The following PPP2CA variants were observed in gnomAD, a reference collection of about 807,000 sequenced individuals.
PPP2CA encodes the protein protein phosphatase 2 catalytic subunit alpha.
Under a neutral mutation model 38.8 loss-of-function variants are expected in PPP2CA, and 5 were observed. That is an observed-to-expected ratio of 0.13 (90% confidence interval 0.07 to 0.27). The LOEUF (loss-of-function observed/expected upper bound fraction) is 0.27. PPP2CA is among the 10% of genes least tolerant of loss of function. The pLI is 1.00. For synonymous variants in PPP2CA, 152 were observed against 134.0 expected, an observed-to-expected ratio of 1.13 and a Z score of -0.93; for missense variants, 88 against 389.7, an observed-to-expected ratio of 0.23 and a Z score of 6.52.
At chr5:134,202,166 A>G in intron 2 of PPP2CA, 145 bp from the exon 3 acceptor site, 1 of 751,056 alleles carries the variant, frequency 1.3e-6, no homozygotes, top group East Asian at 3.0e-5. Context: ...CCAAAACCAC[A>G]GCTCTACAGA....
At chr5:134,211,796 C>A (rs1323800243) in intron 1 of PPP2CA, among the ~76,000 whole-genome samples, 1 of 151,802 alleles carries the variant, frequency 6.6e-6, no homozygotes, top group Non-Finnish European at 1.5e-5. Context: ...TTTAAAAGTA[C>A]ATGAACCAAC....
At position 134,194,404 on chromosome 5, in the gene PPP2CA, C is replaced by G. The variant is rs1156334674; in HGVS notation, c.*3368G>C. On this transcript the variant is annotated 3_prime_UTR_variant, in exon 7 of 7. Transcript: ENST00000481195. ...AAAATCCATCTGAAAACAAACAAGC[C>G]TATTACCAAACTATAGGTTACTAAA... The G allele has an allele frequency of 6.6e-6, 1 of 152,174 alleles. No homozygotes were observed. The highest frequency in any genetic ancestry group is 1.5e-5 in the Non-Finnish European group (1 of 68,028). 9.4% of individuals were successfully genotyped at this position (152,174 alleles called of 1,614,324 possible). A position where few individuals can be genotyped will look rare whatever the true frequency, so the allele number is the denominator to read the frequency against.
At chr5:134,209,550 C>A (rs1270377549) in intron 1 of PPP2CA, among the ~76,000 whole-genome samples, 1 of 152,048 alleles carries the variant, frequency 6.6e-6, no homozygotes, top group Non-Finnish European at 1.5e-5. Context: ...GAGGCTGAGG[C>A]GAGTGGATCA....
rs1459114047 is a variant in PPP2CA, at chr5:134,196,177, A to C, written c.*1595T>G. ...AAAAATACTATCAATTAGATCAGAA[A>C]AGACATTCGGTATGTATGTGTTCCT... On this transcript the variant is annotated 3_prime_UTR_variant, in exon 7 of 7. Transcript: ENST00000481195. The C allele has an allele frequency of 4.6e-5, 7 of 152,252 alleles. No homozygotes were observed. Among genetic ancestry groups the C allele is most frequent in the Admixed American group, 4.6e-4 (7 of 15,290 alleles). The allele number at this position is 152,252 out of a possible 1,614,324, so 9.4% of individuals were successfully genotyped here. A position where few individuals can be genotyped will look rare whatever the true frequency, so the allele number is the denominator to read the frequency against.
At chr5:134,223,502 C>T (rs1762492192) in intron 1 of PPP2CA, among the ~76,000 whole-genome samples, 1 of 152,212 alleles carries the variant, frequency 6.6e-6, no homozygotes, top group Admixed American at 6.5e-5. Context: ...CAAAACGGAT[C>T]CATTCCACAG....
At chr5:134,205,743 C>T (rs1312922962) in intron 2 of PPP2CA, 179 bp downstream of exon 2, 2 of 568,032 alleles carry the variant, frequency 3.5e-6, no homozygotes, top group Non-Finnish European at 6.2e-6. Flanking sequence ...GATTCTGTAC[C>T]ATCCCCTTAC....
intron 2 of PPP2CA, among the ~76,000 whole-genome samples, chr5:134,203,739 CCA>C (rs1271947662): frequency 2.0e-5 from 3 of 152,106 alleles, no homozygotes. Flanking sequence ...TTTTTTCCCC[CCA>C]GATAGGATCT....
chr5:134,215,399 A>G (rs1374645987), intron 1 of PPP2CA, among the ~76,000 whole-genome samples: 4 of 151,974 alleles, frequency 2.6e-5, no homozygotes, highest in Admixed American at 6.6e-5. Flanking sequence ...GTGAAACCCC[A>G]TCTCTACCAA....
intron 1 of PPP2CA, 42 bp downstream of exon 1, chr5:134,225,718 C>A (rs1418383711): frequency 6.4e-7 from 1 of 1,569,394 alleles, no homozygotes; most frequent in Non-Finnish European, 8.6e-7. Context: ...CCTCGGCGGG[C>A]TCGGCCCCGC....
At chr5:134,213,108 A>G (rs1762240719) in intron 1 of PPP2CA, among the ~76,000 whole-genome samples, 1 of 152,204 alleles carries the variant, frequency 6.6e-6, no homozygotes, top group Non-Finnish European at 1.5e-5. Flanking sequence ...ATGTAGACGA[A>G]ATAGCCTTCT....
In PPP2CA at chr5:134,211,759, A is replaced by T. The variant is rs569850843; in HGVS notation, c.103-5628T>A. On this transcript the variant is annotated intron_variant, in intron 1 of 6. Transcript: ENST00000481195. ...CCCAAAGGCTGGGATTACAGGCATA[A>T]GCCACTGCGCCCAGTGGAAGACAAT... is the stretch of plus-strand genomic sequence containing the variant. Among the ~76,000 whole-genome samples the T allele has an allele frequency of 1.2e-3, 178 of 152,000 alleles. 1 individual carries two copies. The highest frequency in any genetic ancestry group is 4.0e-3 in the African/African-American group (166 of 41,476).
intron 4 of PPP2CA, 40 bp from the exon 5 acceptor site, chr5:134,200,536 C>T: frequency 6.3e-7 from 1 of 1,596,212 alleles, no homozygotes. Context: ...CTTTTACAAA[C>T]ATGGTTAACA....
intron 4 of PPP2CA, among the ~76,000 whole-genome samples, chr5:134,200,734 T>G (rs1352737677): frequency 6.6e-6 from 1 of 152,234 alleles, no homozygotes; most frequent in African/African-American, 2.4e-5. Flanking sequence ...CTAATTAATC[T>G]GCCTATATTA....
intron 1 of PPP2CA, chr5:134,224,273 G>T (rs1382902073): frequency 2.2e-6 from 1 of 455,538 alleles, no homozygotes; most frequent in East Asian, 6.9e-5. Context: ...TGACGTGAGA[G>T]GGTAAAGAAA....
intron 2 of PPP2CA, among the ~76,000 whole-genome samples, chr5:134,204,046 C>T (rs1230201777): frequency 2.6e-5 from 4 of 152,234 alleles, no homozygotes; most frequent in East Asian, 3.8e-4. Context: ...CTTCCACCAT[C>T]TAGTCCAACT....
chr5:134,224,535 G>T lies in PPP2CA; in HGVS notation c.102+1225C>A, dbSNP rs1580654678. ...ATAGTTCTCCATTAATTCTTTTCAC[G>T]GATACAAAATGCTAATATGATACTC... On this transcript the variant is annotated intron_variant, in intron 1 of 6. Coordinates refer to ENST00000481195, the MANE Select transcript of PPP2CA (RefSeq NM_002715.4). 9.2e-6 allele frequency: 3 copies of T among 326,004 alleles called. No individual in the cohort carries two copies. In the East Asian group the frequency reaches 2.4e-4, roughly 26 times the overall value. 20.2% of individuals were successfully genotyped at this position (326,004 alleles called of 1,614,324 possible).
chr5:134,224,947 T>C (rs1762532473), intron 1 of PPP2CA, among the ~76,000 whole-genome samples: 1 of 152,238 alleles, frequency 6.6e-6, no homozygotes, highest in Admixed American at 6.5e-5. Context: ...CGCTCTTCCA[T>C]TTTATGTTGT....
At position 134,202,043 on chromosome 5, in the gene PPP2CA, C is replaced by T. The variant is rs370372182; in HGVS notation, c.313-22G>A. The T allele has an allele frequency of 1.7e-4, 263 of 1,553,442 alleles. No homozygotes were observed. In the African/African-American group the frequency reaches 3.3e-3, roughly 19 times the overall value. Reference sequence around the variant, plus strand: ...GAACCTAAAACAATAAAATGCAAAACATAAACAACTAGCTCTTTCAAAAAC... The same window carrying T: ...GAACCTAAAACAATAAAATGCAAAATATAAACAACTAGCTCTTTCAAAAAC... On this transcript the variant is annotated intron_variant, in intron 2 of 6. Coordinates refer to ENST00000481195, the MANE Select transcript of PPP2CA (RefSeq NM_002715.4).
intron 1 of PPP2CA, among the ~76,000 whole-genome samples, chr5:134,208,377 G>A (rs1762128444): frequency 6.6e-6 from 1 of 152,080 alleles, no homozygotes; most frequent in African/African-American, 2.4e-5. Flanking sequence ...TTTCAATTTA[G>A]GCAAATCACA....
Sources: gnomAD v4.1 joint callset for allele counts (sites outside exome capture counted in the v4.1 genomes callset) on GRCh38, gnomAD v4.1.1 for gene constraint, MANE v1.5 for transcripts, NCBI Gene and HGNC (gene_info 2026-07-23, HGNC 2026-07-21) for gene names.